OR7G2: variants seen among roughly 807,000 people sequenced by gnomAD.
OR7G2 encodes the protein olfactory receptor family 7 subfamily G member 2, also known as olfactory receptor 7G2.
For missense variants in OR7G2, 362 were observed against 384.0 expected (o/e 0.94, Z 0.48); for synonymous variants, 153 against 152.2 (o/e 1.01, Z -0.04).
chr19:9,101,535 T>A lies in OR7G2; in HGVS notation c.*734A>T, dbSNP rs767345440. On this transcript the variant is annotated 3_prime_UTR_variant, in exon 2 of 2. Transcript: ENST00000641081. ...ATCGAGACCACCCTGGCCAGCATGA[T>A]GAAACCTCACCTCTACTAAAAGTAC... is the stretch of plus-strand genomic sequence containing the variant. 6.6e-6 allele frequency: 1 copy of A among 151,680 alleles called. No homozygotes were observed. The highest frequency in any genetic ancestry group is 2.4e-5 in the African/African-American group (1 of 41,276). 9.4% of individuals were successfully genotyped at this position (151,680 alleles called of 1,614,324 possible). A position where few individuals can be genotyped will look rare whatever the true frequency, so the allele number is the denominator to read the frequency against.
intron 1 of OR7G2, among the ~76,000 whole-genome samples, chr19:9,105,356 A>G (rs1167554696): frequency 6.6e-6 from 1 of 152,190 alleles, no homozygotes; most frequent in Non-Finnish European, 1.5e-5. Context: ...AACAAGGTAT[A>G]AAACATGATT....
At chr19:9,103,894 G>C (rs1449074279) in intron 1 of OR7G2, among the ~76,000 whole-genome samples, 3 of 143,632 alleles carry the variant, frequency 2.1e-5, no homozygotes, top group African/African-American at 7.8e-5. Context: ...TCGGGAGATA[G>C]GGTCTCACTC....
At chr19:9,103,563 G>A (rs1046843141) in intron 1 of OR7G2, among the ~76,000 whole-genome samples, 1 of 143,888 alleles carries the variant, frequency 6.9e-6, no homozygotes, top group African/African-American at 2.7e-5. Context: ...CTGGAATGCA[G>A]TGGTGTAATC....
At position 9,103,023 on chromosome 19, in the gene OR7G2, C is replaced by A. The variant is rs1452098391; in HGVS notation, c.221G>T (p.Ser74Ile). The stretch of plus-strand genomic sequence containing the variant: ...CAGCATCTTTGGGATCGTGGTTGTG[C>A]TTAAACAAATGTCCAAAAAGGAGAG... ...SNLSFLDICL[S>I]TTTIPKMLVN... Residue 74 changes from serine (S) to isoleucine (I), a missense_variant, in exon 2 of 2, where the codon AGC (serine) becomes ATC (isoleucine). Coordinates refer to ENST00000641081, the MANE Select transcript of OR7G2 (RefSeq NM_001005193.2). 1.3e-5 allele frequency: 21 copies of A among 1,613,952 alleles called. No homozygotes were observed. The highest frequency in any genetic ancestry group is 1.7e-5 in the Non-Finnish European group (20 of 1,180,010).
In OR7G2 at chr19:9,102,930, A is replaced by G. The variant is rs1286895436; in HGVS notation, c.314T>C (p.Leu105Ser). ...ACAATTTTCCAAGCCAGCAAAAAAC[A>G]AGACAAAGCAGATCTGGGTGAGGCA... is the stretch of plus-strand genomic sequence containing the variant. Reference protein sequence around the residue: ...SGCLTQICFVLFFAGLENCLL... With the variant: ...SGCLTQICFVSFFAGLENCLL... Residue 105 changes from leucine to serine, a missense_variant, in exon 2 of 2, where the codon TTG becomes TCG. Physicochemically the swap from Leu to Ser is moderately radical, Grantham distance 145. Coordinates refer to ENST00000641081, the MANE Select transcript of OR7G2 (RefSeq NM_001005193.2). 4 of 1,614,068 alleles carry G rather than the reference A, an allele frequency of 2.5e-6. No individual in the cohort carries two copies. Among genetic ancestry groups the G allele is most frequent in the South Asian group, 1.1e-5 (1 of 91,090 alleles).
Position 9,102,687 on chromosome 19 carries a change from T to G in OR7G2, c.557A>C (p.Gln186Pro). 1 of 1,614,150 alleles carries G rather than the reference T, an allele frequency of 6.2e-7. No homozygotes were observed. The change falls in exon 2 of 2, where the codon CAA becomes CCA. Residue 186 changes from glutamine to proline, a missense_variant. By Grantham distance (76) the Gln-to-Pro change is moderately conservative. Coordinates refer to ENST00000641081, the MANE Select transcript of OR7G2 (RefSeq NM_001005193.2). ...GATGAGGGTGTCTGAACAGGTGAGTTGGATGACCTGAGCCAGTTCACAGAA... is the reference window on the plus strand; with the variant it reads ...GATGAGGGTGTCTGAACAGGTGAGTGGGATGACCTGAGCCAGTTCACAGAA... Reference protein sequence around the residue: ...LFFCELAQVIQLTCSDTLINN... With the variant: ...LFFCELAQVIPLTCSDTLINN...
rs143603997 is a variant in OR7G2 at position 9,102,918 on chromosome 19, C to T, written c.326G>A (p.Gly109Asp). 1.1e-4 allele frequency: 181 copies of T among 1,614,144 alleles called. No homozygotes were observed. The highest frequency in any genetic ancestry group is 3.7e-4 in the South Asian group (34 of 91,078). The change falls in exon 2 of 2, where the codon GGC becomes GAC. Residue 109 changes from glycine (G) to aspartate (D), a missense_variant. Physicochemically the swap from Gly to Asp is moderately conservative, Grantham distance 94. Transcript: ENST00000641081. ...TQICFVLFFA[G>D]LENCLLAAMA... Reference sequence around the variant, plus strand: ...TGCTGCAAGGAGACAATTTTCCAAGCCAGCAAAAAACAAGACAAAGCAGAT... The same window carrying T: ...TGCTGCAAGGAGACAATTTTCCAAGTCAGCAAAAAACAAGACAAAGCAGAT...
chr19:9,102,282 C>T lies in OR7G2; in HGVS notation c.962G>A (p.Arg321Lys). Reference protein sequence around the residue: ...LLWCAICFGFRFLE With the variant: ...LLWCAICFGFKFLE ...TGTCACTTTGACTTACTCTAGAAAC[C>T]TGAATCCAAAGCAAATGGCACACCA... Residue 321 changes from arginine (R) to lysine (K), a missense_variant, in exon 2 of 2, where the codon AGG (arginine) becomes AAG (lysine). Transcript: ENST00000641081. 1 of 1,601,520 alleles carries T rather than the reference C, an allele frequency of 6.2e-7. No individual in the cohort carries two copies. Among genetic ancestry groups the T allele is most frequent in the South Asian group, 1.1e-5 (1 of 88,930 alleles).
At chr19:9,105,457 G>C (rs944627091) in intron 1 of OR7G2, among the ~76,000 whole-genome samples, 2 of 152,070 alleles carry the variant, frequency 1.3e-5, no homozygotes, top group Non-Finnish European at 2.9e-5. Context: ...CAATAAATGT[G>C]ATTCATCACA....
Position 9,102,859 on chromosome 19 carries a change from G to A in OR7G2, c.385C>T (p.Pro129Ser), listed in dbSNP as rs1340925628. Reference protein sequence around the residue: ...AYDRYVAICHPLRYTVIMNPR... With the variant: ...AYDRYVAICHSLRYTVIMNPR... ...TTCATGATGACTGTGTATCTAAGGGGGTGACAAATGGCCACATAGCGGTCA... is the reference window on the plus strand; with the variant it reads ...TTCATGATGACTGTGTATCTAAGGGAGTGACAAATGGCCACATAGCGGTCA... The change falls in exon 2 of 2, where the codon CCC (proline) becomes TCC (serine). Residue 129 changes from proline (P) to serine (S), a missense_variant. By Grantham distance (74) the Pro-to-Ser change is moderately conservative. Coordinates refer to ENST00000641081, the MANE Select transcript of OR7G2 (RefSeq NM_001005193.2). The A allele has an allele frequency of 5.6e-6, 9 of 1,613,634 alleles. No individual in the cohort carries two copies. In the Admixed American group the frequency reaches 1.5e-4, roughly 27 times the overall value.
chr19:9,106,789 A>AT (rs892700158), intron 1 of OR7G2, among the ~76,000 whole-genome samples: 5 of 150,000 alleles, frequency 3.3e-5, no homozygotes, highest in African/African-American at 7.3e-5. Context: ...CATGTTTTTG[A>AT]TTTTTTTTCC....
chr19:9,107,294 A>G lies in OR7G2; in HGVS notation c.-17+20T>C, dbSNP rs1015576541. The G allele has an allele frequency of 6.6e-5, 10 of 152,164 alleles. No homozygotes were observed. The highest frequency in any genetic ancestry group is 2.4e-4 in the African/African-American group (10 of 41,444). 9.4% of individuals were successfully genotyped at this position (152,164 alleles called of 1,614,324 possible). ...GGGTTAACTGATTGGCTTCAACAAA[A>G]ATGATGCTCAACAACTCACATGGAT... On this transcript the variant is annotated intron_variant, in intron 1 of 1. Coordinates refer to ENST00000641081, the MANE Select transcript of OR7G2 (RefSeq NM_001005193.2).
At chr19:9,105,039 C>T (rs745591996) in intron 1 of OR7G2, among the ~76,000 whole-genome samples, 2 of 151,582 alleles carry the variant, frequency 1.3e-5, no homozygotes, top group Admixed American at 6.6e-5. Context: ...GGCGCGATCT[C>T]GGCTCCCTGC....
rs749377545 is a variant in OR7G2, at chr19:9,102,243, C to T, written c.*26G>A. The T allele has an allele frequency of 1.9e-6, 3 of 1,557,230 alleles. No individual in the cohort carries two copies. The highest frequency in any genetic ancestry group is 2.6e-6 in the Non-Finnish European group (3 of 1,153,576). The stretch of plus-strand genomic sequence containing the variant: ...CAAAACAAAGAGTCAGGCATTCTAG[C>T]TCACCAGGAATCCTGTCACTTTGAC... On this transcript the variant is annotated 3_prime_UTR_variant, in exon 2 of 2. Coordinates refer to ENST00000641081, the MANE Select transcript of OR7G2 (RefSeq NM_001005193.2).
chr19:9,104,699 C>CG (rs1568299758), intron 1 of OR7G2, among the ~76,000 whole-genome samples: 1 of 151,530 alleles, frequency 6.6e-6, no homozygotes, highest in African/African-American at 2.4e-5. Context: ...TGGTGGTGGG[C>CG]GCCTGTGGTC....
intron 1 of OR7G2, among the ~76,000 whole-genome samples, chr19:9,106,972 A>T (rs1349974702): frequency 6.6e-6 from 1 of 152,034 alleles, no homozygotes; most frequent in Non-Finnish European, 1.5e-5. Flanking sequence ...TGGGAGGCTG[A>T]GGCGGGAGTA....
intron 1 of OR7G2, among the ~76,000 whole-genome samples, chr19:9,105,613 C>T (rs1452256921): frequency 6.6e-6 from 1 of 152,136 alleles, no homozygotes; most frequent in Non-Finnish European, 1.5e-5. Flanking sequence ...CTTTGGGAGG[C>T]TAAGGCAGGC....
intron 1 of OR7G2, among the ~76,000 whole-genome samples, chr19:9,105,917 GAGAA>G (rs755498476): frequency 2.6e-5 from 4 of 151,338 alleles, no homozygotes; most frequent in African/African-American, 7.3e-5. Flanking sequence ...GAGAAGGGAA[GAGAA>G]AGAGAGAGAA....
At position 9,102,918 on chromosome 19, in the gene OR7G2, C is replaced by A; in HGVS notation, c.326G>T (p.Gly109Val). ...TQICFVLFFA[G>V]LENCLLAAMA... ...TGCTGCAAGGAGACAATTTTCCAAG[C>A]CAGCAAAAAACAAGACAAAGCAGAT... The change falls in exon 2 of 2, where the codon GGC becomes GTC. Residue 109 changes from glycine to valine, a missense_variant. Coordinates refer to ENST00000641081, the MANE Select transcript of OR7G2 (RefSeq NM_001005193.2). 6.2e-7 allele frequency: 1 copy of A among 1,614,146 alleles called. No individual in the cohort carries two copies. Among genetic ancestry groups the A allele is most frequent in the Non-Finnish European group, 8.5e-7 (1 of 1,180,016 alleles).
Sources: gnomAD v4.1 joint callset for allele counts (sites outside exome capture counted in the v4.1 genomes callset) on GRCh38, gnomAD v4.1.1 for gene constraint, MANE v1.5 for transcripts, NCBI Gene and HGNC (gene_info 2026-07-23, HGNC 2026-07-21) for gene names.